The following TRPM3 variants were observed in gnomAD, a reference collection of about 807,000 sequenced individuals.
The protein encoded by TRPM3 is transient receptor potential cation channel subfamily M member 3.
Under a neutral mutation model 181.2 loss-of-function variants are expected in TRPM3, and 77 were observed. The observed-to-expected ratio is 0.42, with a 90% CI of 0.35 to 0.51. The LOEUF (loss-of-function observed/expected upper bound fraction) is 0.51, where lower values mean the gene tolerates loss of function less well. Ranked by LOEUF, TRPM3 falls within the 20% of genes least tolerant of loss-of-function variation. The pLI is 0.01. For synonymous variants in TRPM3, 745 were observed against 796.4 expected (o/e 0.94, Z 1.09); for missense variants, 1,759 against 2,196.7 (o/e 0.80, Z 3.98).
At chr9:70,949,710 T>C (rs1178856325) in intron 1 of TRPM3, among the ~76,000 whole-genome samples, 1 of 152,116 alleles carries the variant, frequency 6.6e-6, no homozygotes, top group Non-Finnish European at 1.5e-5. Context: ...AACCTGAATG[T>C]AATCTTAAAG....
chr9:71,265,405 T>C (rs2083319687), intron 1 of TRPM3, among the ~76,000 whole-genome samples: 1 of 152,188 alleles, frequency 6.6e-6, no homozygotes, highest in Non-Finnish European at 1.5e-5. Context: ...GGTGGAACAA[T>C]ACAGTAATAA....
chr9:71,138,954 T>C (rs17056319), intron 1 of TRPM3, among the ~76,000 whole-genome samples: 2,762 of 152,324 alleles, frequency 0.018, 39 homozygotes, highest in East Asian at 0.071. Context: ...ATAGCTTGTA[T>C]AAAGAATGCC....
chr9:70,541,377 C>T (rs951374285), intron 25 of TRPM3, among the ~76,000 whole-genome samples: 1 of 152,078 alleles, frequency 6.6e-6, no homozygotes, highest in African/African-American at 2.4e-5. Context: ...AACAAACTTA[C>T]CATGAAATGT....
intron 1 of TRPM3, among the ~76,000 whole-genome samples, chr9:70,898,119 G>GTT (rs780424002): frequency 8.4e-5 from 12 of 142,208 alleles, no homozygotes; most frequent in Non-Finnish European, 1.7e-4. Context: ...ACAATAAATT[G>GTT]TTTTTTTTTT....
intron 8 of TRPM3, among the ~76,000 whole-genome samples, chr9:70,687,622 T>C (rs1345395816): frequency 2.0e-5 from 3 of 152,204 alleles, no homozygotes; most frequent in African/African-American, 4.8e-5. Flanking sequence ...CAGATTACCT[T>C]AGGCTAGATG....
intron 1 of TRPM3, among the ~76,000 whole-genome samples, chr9:71,439,470 G>GA (rs1453074240): frequency 2.0e-5 from 3 of 152,118 alleles, no homozygotes; most frequent in Non-Finnish European, 4.4e-5. Flanking sequence ...ATTTTATCAT[G>GA]ATGGAAGACA....
intron 1 of TRPM3, among the ~76,000 whole-genome samples, chr9:71,323,625 A>G (rs971977905): frequency 2.0e-5 from 3 of 152,254 alleles, no homozygotes; most frequent in African/African-American, 4.8e-5. Flanking sequence ...ACTGAGACAA[A>G]AAGAGGCTAT....
chr9:71,038,223 T>C (rs746118013), intron 1 of TRPM3, among the ~76,000 whole-genome samples: 11 of 152,230 alleles, frequency 7.2e-5, no homozygotes, highest in Non-Finnish European at 1.5e-4. Flanking sequence ...TCTCCACTAA[T>C]GAATGTAGAT....
chr9:71,061,889 C>A (rs1257798755), intron 1 of TRPM3, among the ~76,000 whole-genome samples: 1 of 152,012 alleles, frequency 6.6e-6, no homozygotes, highest in Non-Finnish European at 1.5e-5. Context: ...TAGTGCATCT[C>A]TGGACCCAAG....
chr9:71,083,737 C>CACAG (rs2064803029), intron 1 of TRPM3, among the ~76,000 whole-genome samples: 1 of 151,410 alleles, frequency 6.6e-6, no homozygotes, highest in African/African-American at 2.4e-5. Flanking sequence ...CACACACACA[C>CACAG]ACACACACAC....
chr9:71,307,539 T>C (rs992161642), intron 1 of TRPM3, among the ~76,000 whole-genome samples: 19 of 152,324 alleles, frequency 1.2e-4, no homozygotes, highest in South Asian at 2.1e-4. Context: ...TCATTTGAAA[T>C]AATTTATTTT....
At chr9:71,376,261 T>C (rs1036185173) in intron 1 of TRPM3, among the ~76,000 whole-genome samples, 1 of 152,074 alleles carries the variant, frequency 6.6e-6, no homozygotes, top group African/African-American at 2.4e-5. Context: ...TCATCATTTT[T>C]ATTTAGGTTT....
intron 9 of TRPM3, among the ~76,000 whole-genome samples, chr9:70,668,260 ATACT>A (rs796333121): frequency 9.9e-5 from 15 of 152,278 alleles, no homozygotes; most frequent in African/African-American, 3.4e-4. Flanking sequence ...CTTGGCCAAG[ATACT>A]TAGCCTCTCC....
At chr9:71,059,398 C>A (rs1260263211) in intron 1 of TRPM3, among the ~76,000 whole-genome samples, 2 of 151,890 alleles carry the variant, frequency 1.3e-5, no homozygotes, top group African/African-American at 4.8e-5. Flanking sequence ...GTTTCTAGAC[C>A]AAAGGACCTA....
chr9:70,661,305 A>G (rs927015468), intron 9 of TRPM3, among the ~76,000 whole-genome samples: 2 of 152,140 alleles, frequency 1.3e-5, no homozygotes, highest in African/African-American at 4.8e-5. Context: ...AATAAAAGCC[A>G]TATCTGACAA....
intron 1 of TRPM3, among the ~76,000 whole-genome samples, chr9:71,174,899 T>C (rs567624337): frequency 2.4e-4 from 36 of 152,218 alleles, no homozygotes; most frequent in Middle Eastern, 6.8e-3. Flanking sequence ...TTTGGTTGCT[T>C]TGTCTTCAGA....
chr9:70,562,430 G>A (rs1173216859), intron 22 of TRPM3, among the ~76,000 whole-genome samples: 2 of 152,012 alleles, frequency 1.3e-5, no homozygotes, highest in African/African-American at 2.4e-5. Context: ...CCCTACCTGG[G>A]GAAAAAAAGG....
At chr9:70,577,555 C>T (rs988231873) in intron 22 of TRPM3, among the ~76,000 whole-genome samples, 2 of 152,200 alleles carry the variant, frequency 1.3e-5, no homozygotes, top group Non-Finnish European at 2.9e-5. Flanking sequence ...CTAGAAATGT[C>T]AGAAGAAACC....
intron 1 of TRPM3, among the ~76,000 whole-genome samples, chr9:71,019,747 T>A (rs1354572905): frequency 3.3e-5 from 5 of 152,116 alleles, no homozygotes; most frequent in African/African-American, 4.8e-5. Context: ...AAATGAAAAT[T>A]TAAAGGCCCA....
Sources: allele counts gnomAD v4.1 joint callset (sites outside exome capture counted in the v4.1 genomes callset), GRCh38; gene constraint gnomAD v4.1.1; transcripts MANE v1.5; gene names NCBI Gene and HGNC (gene_info 2026-07-23, HGNC 2026-07-21).